Variants in KALRN observed in about 807,000 individuals in gnomAD.
KALRN encodes the protein kalirin RhoGEF kinase.
In KALRN, 70 loss-of-function variants were observed where a neutral mutation model predicts 353.7. The observed-to-expected ratio is 0.20, with a 90% CI of 0.16 to 0.24. KALRN has a LOEUF of 0.24. Among genes scored for constraint, KALRN ranks in the 10% least tolerant of loss-of-function variants. The pLI is 1.00. For missense variants in KALRN, 2,791 were observed against 3,756.7 expected, an observed-to-expected ratio of 0.74 and a Z score of 6.72; for synonymous variants, 1,391 against 1,434.8, an observed-to-expected ratio of 0.97 and a Z score of 0.69.
intron 1 of KALRN, among the ~76,000 whole-genome samples, chr3:124,109,742 A>G (rs1266268114): frequency 1.5e-5 from 2 of 135,526 alleles, no homozygotes; most frequent in Non-Finnish European, 3.1e-5. Flanking sequence ...TGATATATAT[A>G]TGACATATAT....
intron 3 of KALRN, among the ~76,000 whole-genome samples, chr3:124,251,279 G>A (rs1019003327): frequency 6.6e-6 from 1 of 152,050 alleles, no homozygotes; most frequent in Non-Finnish European, 1.5e-5. Context: ...CGCCATTCCC[G>A]GAGCTCTCTT....
intron 42 of KALRN, among the ~76,000 whole-genome samples, chr3:124,658,775 A>G (rs1003724043): frequency 2.0e-5 from 3 of 152,176 alleles, no homozygotes; most frequent in African/African-American, 7.2e-5. Flanking sequence ...AATAAGCCTG[A>G]ACACAGAGAT....
intron 34 of KALRN, among the ~76,000 whole-genome samples, chr3:124,594,530 G>T (rs1262800327): frequency 6.6e-6 from 1 of 152,128 alleles, no homozygotes; most frequent in East Asian, 1.9e-4. Context: ...AGCCTTCCAG[G>T]ATATTTTCAA....
At chr3:124,640,355 C>T (rs1404783106) in intron 37 of KALRN, among the ~76,000 whole-genome samples, 6 of 146,940 alleles carry the variant, frequency 4.1e-5, no homozygotes, top group Non-Finnish European at 8.9e-5. Flanking sequence ...GGCATGATCT[C>T]GGTTCTCTGC....
At chr3:124,476,971 A>G (rs1288655092) in intron 26 of KALRN, among the ~76,000 whole-genome samples, 1 of 152,242 alleles carries the variant, frequency 6.6e-6, no homozygotes, top group Non-Finnish European at 1.5e-5. Flanking sequence ...ATATCAGGAT[A>G]TATGAGTTGC....
intron 10 of KALRN, among the ~76,000 whole-genome samples, chr3:124,348,742 C>T (rs925358667): frequency 6.6e-6 from 1 of 152,028 alleles, no homozygotes; most frequent in Non-Finnish European, 1.5e-5. Flanking sequence ...TTTTTTGAGA[C>T]AGTCTCGCTC....
intron 1 of KALRN, among the ~76,000 whole-genome samples, chr3:124,077,172 G>A (rs116100693): frequency 0.021 from 3,199 of 152,310 alleles, 107 homozygotes; most frequent in African/African-American, 0.071. Context: ...CATTGTCTGC[G>A]CTGGGTCAGG....
chr3:124,483,914 C>T lies in KALRN; in HGVS notation c.4284+1014C>T, dbSNP rs138729168. On this transcript the variant is annotated intron_variant, in intron 28 of 59. Transcript: ENST00000682506. ...AAAATAATGTCATTTCCACAGAAAG[C>T]CTGGGGAATTGACACAAGTAGTTAA... is the stretch of plus-strand genomic sequence containing the variant. Among the ~76,000 whole-genome samples, 9 of 152,228 alleles carry T rather than the reference C, an allele frequency of 5.9e-5. No homozygotes were observed. In the East Asian group the frequency reaches 1.7e-3, roughly 29 times the overall value.
At position 124,653,722 on chromosome 3, in the gene KALRN, G is replaced by A. The variant is rs977181963; in HGVS notation, c.5796-1879G>A. ...TCCCTATCCCTGTGAAAGGAGGTTA[G>A]AAGTGGTTCTAACCAGTAGCTGAAA... On this transcript the variant is annotated intron_variant, in intron 38 of 59. Transcript: ENST00000682506. 2.0e-5 allele frequency among the ~76,000 whole-genome samples: 3 copies of A among 152,236 alleles called. No individual in the cohort carries two copies. The East Asian group carries it at 5.8e-4, about 29-fold the overall frequency.
At position 124,661,885 on chromosome 3, in the gene KALRN, G is replaced by A. The variant is rs759225248; in HGVS notation, c.6302G>A (p.Arg2101His). ...GAGTTAATGTGCCTTGTTCCCAAAC[G>A]CTGCAATGACATGATGAATCTAGGA... ...AVELMCLVPK[R>H]CNDMMNLGRL... The change falls in exon 45 of 60, where the codon CGC (arginine) becomes CAC (histidine). Residue 2101 changes from arginine (R) to histidine (H), a missense_variant. Transcript: ENST00000682506. The A allele has an allele frequency of 5.6e-6, 9 of 1,614,036 alleles. No homozygotes were observed. In the East Asian group the frequency reaches 6.7e-5, roughly 12 times the overall value.
At chr3:124,055,937 C>T (rs182770783) in intron 1 of KALRN, among the ~76,000 whole-genome samples, 2 of 152,320 alleles carry the variant, frequency 1.3e-5, no homozygotes, top group Admixed American at 1.3e-4. Flanking sequence ...CTTCCAGGAC[C>T]CTCAGTACTG....
intron 3 of KALRN, among the ~76,000 whole-genome samples, chr3:124,239,556 GTAA>G (rs1269199826): frequency 6.6e-6 from 1 of 152,222 alleles, no homozygotes; most frequent in Non-Finnish European, 1.5e-5. Flanking sequence ...GAGTTATTCT[GTAA>G]TGTCAATCAA....
chr3:124,335,807 T>C (rs1008555779), intron 9 of KALRN, among the ~76,000 whole-genome samples: 11 of 152,222 alleles, frequency 7.2e-5, no homozygotes, highest in African/African-American at 2.7e-4. Flanking sequence ...TTCATTCTTT[T>C]GTGGTATCAA....
intron 1 of KALRN, among the ~76,000 whole-genome samples, chr3:124,065,391 AATT>A (rs1450710912): frequency 3.3e-5 from 5 of 152,140 alleles, no homozygotes; most frequent in Non-Finnish European, 5.9e-5. Flanking sequence ...TGATATTAAG[AATT>A]ATTAGTTAAT....
chr3:124,488,453 C>A, intron 29 of KALRN, 138 bp downstream of exon 29: 2 of 650,624 alleles, frequency 3.1e-6, no homozygotes, highest in Non-Finnish European at 5.5e-6. Context: ...GTTACATAGG[C>A]CCTTGTCATG....
At chr3:124,461,261 A>G (rs1400980958) in intron 23 of KALRN, among the ~76,000 whole-genome samples, 2 of 152,100 alleles carry the variant, frequency 1.3e-5, no homozygotes, top group Non-Finnish European at 2.9e-5. Context: ...TTTTTTTTAC[A>G]CATTGTCTAT....
chr3:124,239,575 G>A (rs993016654), intron 3 of KALRN, among the ~76,000 whole-genome samples: 2 of 152,182 alleles, frequency 1.3e-5, no homozygotes, highest in African/African-American at 2.4e-5. Flanking sequence ...ATCAAATCAA[G>A]GTGCCTTTAC....
At chr3:124,684,145 C>T (rs1298954366) in intron 51 of KALRN, among the ~76,000 whole-genome samples, 3 of 152,078 alleles carry the variant, frequency 2.0e-5, no homozygotes, top group African/African-American at 7.2e-5. Flanking sequence ...TCCCTGCAGC[C>T]CCTTCACCTT....
At chr3:124,195,384 G>A (rs1465177779) in intron 1 of KALRN, among the ~76,000 whole-genome samples, 2 of 152,188 alleles carry the variant, frequency 1.3e-5, no homozygotes, top group African/African-American at 4.8e-5. Context: ...GATGGAGCAT[G>A]TACAAGTACT....
Sources: allele counts gnomAD v4.1 joint callset (sites outside exome capture counted in the v4.1 genomes callset), GRCh38; gene constraint gnomAD v4.1.1; transcripts MANE v1.5; gene names NCBI Gene and HGNC (gene_info 2026-07-23, HGNC 2026-07-21).